PACSIN1: variants seen among roughly 807,000 people sequenced by gnomAD.
The protein encoded by PACSIN1 is protein kinase C and casein kinase substrate in neurons protein 1.
In PACSIN1, 15 loss-of-function variants were observed where a neutral mutation model predicts 59.5. That is an observed-to-expected ratio of 0.25 (90% CI 0.17 to 0.39). The LOEUF is 0.39. PACSIN1 is among the 10% of genes least tolerant of loss of function. The probability of loss-of-function intolerance (pLI) is 1.00; values close to 1 mark genes in which losing one functional copy is unlikely to be tolerated. For synonymous variants in PACSIN1, 210 were observed against 220.6 expected, an observed-to-expected ratio of 0.95 and a Z score of 0.42; for missense variants, 420 against 580.2, an observed-to-expected ratio of 0.72 and a Z score of 2.84.
chr6:34,515,983 G>T lies in PACSIN1; in HGVS notation c.-63-10260G>T, dbSNP rs529601306. ...CTGGAGGGGGCCCACAGGAGTTCAC[G>T]GTGGGGCACACCTGGTCCAGTTTTG... On this transcript the variant is annotated intron_variant, in intron 1 of 9. Coordinates refer to ENST00000244458, the MANE Select transcript of PACSIN1 (RefSeq NM_020804.5). The surrounding 1 kb of genome is among the most constrained non-coding windows in gnomAD (Gnocchi z 4.4). Among the ~76,000 whole-genome samples the T allele has an allele frequency of 6.6e-6, 1 of 152,148 alleles. No individual in the cohort carries two copies. Among genetic ancestry groups the T allele is most frequent in the Non-Finnish European group, 1.5e-5 (1 of 68,014 alleles).
intron 1 of PACSIN1, among the ~76,000 whole-genome samples, chr6:34,478,227 T>G (rs1057181997): frequency 2.7e-5 from 4 of 150,356 alleles, no homozygotes; most frequent in African/African-American, 9.8e-5. Context: ...GCCCAGCTAA[T>G]TTTTTGTATT....
At position 34,521,289 on chromosome 6, in the gene PACSIN1, T is replaced by C. The variant is rs925508729; in HGVS notation, c.-63-4954T>C. ...CTGCTGGTGGCTGGGAGCAGCTGGG[T>C]GACTCCCAGGCCTGTGATTGGTGAC... On this transcript the variant is annotated intron_variant, in intron 1 of 9. Transcript: ENST00000244458. The surrounding 1 kb of genome is among the most constrained non-coding windows in gnomAD (Gnocchi z 4.3). Among the ~76,000 whole-genome samples the C allele has an allele frequency of 6.6e-6, 1 of 152,012 alleles. No individual in the cohort carries two copies. The highest frequency in any genetic ancestry group is 1.5e-5 in the Non-Finnish European group (1 of 67,992).
chr6:34,507,469 A>G (rs1229782361), intron 1 of PACSIN1, among the ~76,000 whole-genome samples: 1 of 152,152 alleles, frequency 6.6e-6, no homozygotes, highest in Non-Finnish European at 1.5e-5. Flanking sequence ...TGAACTTCAC[A>G]TAAATAGAAT....
chr6:34,524,360 G>C (rs754718505), intron 1 of PACSIN1, among the ~76,000 whole-genome samples: 1 of 152,142 alleles, frequency 6.6e-6, no homozygotes, highest in Non-Finnish European at 1.5e-5. Context: ...AAAAATTCAT[G>C]CACATGAGGC....
chr6:34,520,021 C>CAGGGACTGTCCCTG (rs1554170150), intron 1 of PACSIN1, among the ~76,000 whole-genome samples: 4 of 152,140 alleles, frequency 2.6e-5, no homozygotes, highest in African/African-American at 9.6e-5. Flanking sequence ...TTGGGGAAGA[C>CAGGGACTGTCCCTG]TTCTTGGAGG....
At chr6:34,513,170 C>T (rs949954549) in intron 1 of PACSIN1, among the ~76,000 whole-genome samples, 9 of 152,188 alleles carry the variant, frequency 5.9e-5, no homozygotes, top group Admixed American at 2.0e-4. Flanking sequence ...TTCTGCATCT[C>T]AAGATGATTT....
rs1767648295 is a variant in PACSIN1, at chr6:34,533,939, C to G, written c.*1409C>G. ...GCTTGGGAAGCAGACCAGGGTTGGA[C>G]AAAACCCCATGAGGGCGGGGAGCTG... On this transcript the variant is annotated 3_prime_UTR_variant, in exon 10 of 10. Coordinates refer to ENST00000244458, the MANE Select transcript of PACSIN1 (RefSeq NM_020804.5). 6.6e-6 allele frequency: 1 copy of G among 152,322 alleles called. No individual in the cohort carries two copies. Among genetic ancestry groups the G allele is most frequent in the Admixed American group, 6.5e-5 (1 of 15,282 alleles). 9.4% of individuals were successfully genotyped at this position (152,322 alleles called of 1,614,324 possible).
intron 1 of PACSIN1, among the ~76,000 whole-genome samples, chr6:34,475,879 CT>C (rs1188451962): frequency 1.3e-5 from 2 of 152,332 alleles, no homozygotes; most frequent in African/African-American, 2.4e-5. Flanking sequence ...GCTGAAATGA[CT>C]TGCTTGAGGT....
At chr6:34,486,710 C>A (rs1201846378) in intron 1 of PACSIN1, among the ~76,000 whole-genome samples, 7 of 149,398 alleles carry the variant, frequency 4.7e-5, no homozygotes, top group Admixed American at 2.7e-4. Flanking sequence ...CGGGGCCCTC[C>A]TCCGTGGGCC....
At chr6:34,528,915 G>GCGGGGGGGGGGGGGGGGGGGC in intron 4 of PACSIN1, 38 bp downstream of exon 4, 1 of 653,172 alleles carries the variant, frequency 1.5e-6, no homozygotes, top group Non-Finnish European at 2.7e-6. Context: ...GGTGGGGTGG[G>GCGGGGGGGGGGGGGGGGGGGC]CCCGTCTGAT....
chr6:34,526,128 G>A, intron 1 of PACSIN1, 115 bp from the exon 2 acceptor site: 1 of 589,140 alleles, frequency 1.7e-6, no homozygotes, highest in Non-Finnish European at 3.0e-6. Context: ...CAGGAAGATG[G>A]CATCCTAATG....
intron 1 of PACSIN1, among the ~76,000 whole-genome samples, chr6:34,470,206 G>A (rs1766551978): frequency 6.6e-6 from 1 of 151,714 alleles, no homozygotes; most frequent in Non-Finnish European, 1.5e-5. Flanking sequence ...TTTTTGAGAC[G>A]GAGTCTCACT....
chr6:34,475,168 A>G (rs1033411139), intron 1 of PACSIN1, among the ~76,000 whole-genome samples: 1 of 152,174 alleles, frequency 6.6e-6, no homozygotes, highest in African/African-American at 2.4e-5. Context: ...TACCTGCCCA[A>G]GCATTCCATG....
intron 1 of PACSIN1, among the ~76,000 whole-genome samples, chr6:34,489,217 C>T (rs950019823): frequency 3.3e-5 from 5 of 151,190 alleles, no homozygotes; most frequent in Non-Finnish European, 7.4e-5. Context: ...TTATGGTGTG[C>T]AACATGATGT....
At chr6:34,524,701 C>T (rs1767453480) in intron 1 of PACSIN1, among the ~76,000 whole-genome samples, 1 of 152,252 alleles carries the variant, frequency 6.6e-6, no homozygotes, top group African/African-American at 2.4e-5. Flanking sequence ...TAATCTTGTG[C>T]ATCATCTGGC....
Position 34,496,844 on chromosome 6 carries a change from C to T in PACSIN1, c.-63-29399C>T, listed in dbSNP as rs143587911. On this transcript the variant is annotated intron_variant, in intron 1 of 9. Coordinates refer to ENST00000244458, the MANE Select transcript of PACSIN1 (RefSeq NM_020804.5). ...TAGAGTGAATCCTGGCTCATTCCTG[C>T]TGTGTGACATTAGACAATTGACTTT... Among the ~76,000 whole-genome samples the T allele has an allele frequency of 2.0e-4, 30 of 151,206 alleles. 1 individual carries two copies. Among genetic ancestry groups the T allele is most frequent in the African/African-American group, 7.3e-4 (30 of 41,126 alleles).
intron 1 of PACSIN1, among the ~76,000 whole-genome samples, chr6:34,513,946 T>A (rs1158179919): frequency 6.6e-6 from 1 of 152,212 alleles, no homozygotes; most frequent in Non-Finnish European, 1.5e-5. Flanking sequence ...AGGGCTTGTG[T>A]GTGCCGCACT....
intron 1 of PACSIN1, among the ~76,000 whole-genome samples, chr6:34,510,331 G>C (rs1767180856): frequency 1.3e-5 from 2 of 152,172 alleles, no homozygotes; most frequent in South Asian, 4.1e-4. Context: ...AAATACCAAT[G>C]GCTTCCCTTC....
rs1767566218 is a variant in PACSIN1, at chr6:34,530,244, T to A, written c.790T>A (p.Tyr264Asn). Residue 264 changes from tyrosine (Y) to asparagine (N), a missense_variant and splice_region_variant, in exon 7 of 10, where the codon TAC (tyrosine) becomes AAC (asparagine). Coordinates refer to ENST00000244458, the MANE Select transcript of PACSIN1 (RefSeq NM_020804.5). This position sits in a 1 kb window ranked among gnomAD's most constrained non-coding sequence, Gnocchi z 4.4. ...CCTCCCCCATCTCCCTGAGCACAGC[T>A]ACATCCATGTGTACCGTGAGCTGGA... Reference protein sequence around the residue: ...RHLNLAENSSYIHVYRELEQA... With the variant: ...RHLNLAENSSNIHVYRELEQA... The A allele has an allele frequency of 1.9e-6, 3 of 1,612,498 alleles. No individual in the cohort carries two copies. The highest frequency in any genetic ancestry group is 1.3e-5 in the African/African-American group (1 of 74,890).
Sources: allele counts gnomAD v4.1 joint callset (sites outside exome capture counted in the v4.1 genomes callset), GRCh38; gene constraint gnomAD v4.1.1; non-coding constraint Gnocchi (gnomAD v3.1); transcripts MANE v1.5; gene names NCBI Gene and HGNC (gene_info 2026-07-23, HGNC 2026-07-21).